The following PTPRZ1 variants were observed in gnomAD, a reference collection of about 807,000 sequenced individuals.
PTPRZ1 encodes receptor-type tyrosine-protein phosphatase zeta.
PTPRZ1 carries 82 observed loss-of-function variants against 214.1 expected under a neutral mutation model. That is an observed-to-expected ratio of 0.38 (90% CI 0.32 to 0.46). PTPRZ1 has a LOEUF of 0.46. Ranked by LOEUF, PTPRZ1 falls within the 20% of genes least tolerant of loss-of-function variation. The pLI, the probability that PTPRZ1 is intolerant of heterozygous loss-of-function variation, is 1.00. For synonymous variants in PTPRZ1, 945 were observed against 987.9 expected (o/e 0.96, Z 0.81); for missense variants, 2,603 against 2,748.7 (o/e 0.95, Z 1.19).
chr7:121,897,976 A>T (rs528879676), intron 1 of PTPRZ1, among the ~76,000 whole-genome samples: 1 of 152,330 alleles, frequency 6.6e-6, no homozygotes, highest in Non-Finnish European at 1.5e-5. Flanking sequence ...ATCTAGTTTA[A>T]ATTAAAAGAA....
chr7:121,927,631 C>T (rs1795802836), intron 1 of PTPRZ1, among the ~76,000 whole-genome samples: 1 of 152,214 alleles, frequency 6.6e-6, no homozygotes, highest in African/African-American at 2.4e-5. Context: ...TCCGAAACAA[C>T]ATATGAACAT....
rs1388381235 is a variant in PTPRZ1 at position 122,013,484 on chromosome 7, A to G, written c.4438A>G (p.Asn1480Asp). Residue 1480 changes from asparagine to aspartate, a missense_variant, in exon 12 of 30, where the codon AAT becomes GAT. By Grantham distance (23) the Asn-to-Asp change is conservative. Coordinates refer to ENST00000393386, the MANE Select transcript of PTPRZ1 (RefSeq NM_002851.3). ...NNPISYSLSE[N>D]SEEDNRVTSV... ...TCCAATCTCATACTCACTATCTGAG[A>G]ATTCTGAAGAAGATAATAGAGTCAC... The G allele has an allele frequency of 2.0e-5, 33 of 1,614,010 alleles. No individual in the cohort carries two copies. The highest frequency in any genetic ancestry group is 2.7e-5 in the Non-Finnish European group (32 of 1,180,020).
intron 13 of PTPRZ1, among the ~76,000 whole-genome samples, chr7:122,023,805 T>G (rs1260474588): frequency 1.5e-5 from 2 of 133,428 alleles, no homozygotes; most frequent in Non-Finnish European, 3.1e-5. Context: ...ATTTTATATA[T>G]AATTATATAT....
intron 8 of PTPRZ1, among the ~76,000 whole-genome samples, chr7:121,987,809 A>G (rs997826738): frequency 2.0e-5 from 3 of 152,236 alleles, no homozygotes; most frequent in East Asian, 1.9e-4. Flanking sequence ...AAAAAAATGT[A>G]GTACATATAC....
rs541809696 is a variant in PTPRZ1 at position 122,013,145 on chromosome 7, G to C, written c.4099G>C (p.Val1367Leu). Reference protein sequence around the residue: ...SDTFVSTDHSVPIGNGHVAIT... With the variant: ...SDTFVSTDHSLPIGNGHVAIT... ...TACATTTGTATCTACTGATCATTCT[G>C]TTCCTATAGGAAATGGGCATGTTGC... Residue 1367 changes from valine (V) to leucine (L), a missense_variant, in exon 12 of 30, where the codon GTT becomes CTT. Transcript: ENST00000393386. The C allele has an allele frequency of 6.2e-7, 1 of 1,613,896 alleles. No homozygotes were observed. Among genetic ancestry groups the C allele is most frequent in the Non-Finnish European group, 8.5e-7 (1 of 1,179,870 alleles).
At chr7:121,935,769 C>T (rs1796070276) in intron 2 of PTPRZ1, among the ~76,000 whole-genome samples, 1 of 151,986 alleles carries the variant, frequency 6.6e-6, no homozygotes, top group South Asian at 2.1e-4. Flanking sequence ...GGGGTTTCAC[C>T]GTGTTAGCCA....
rs958870788 is a variant in PTPRZ1, at chr7:121,945,562, C to T, written c.124+17341C>T. Reference sequence around the variant, plus strand: ...TTGGCTTAGGAGGATTCACAGTATACCTCCAGGTTACATGAGTAGCTCCAA... The same window carrying T: ...TTGGCTTAGGAGGATTCACAGTATATCTCCAGGTTACATGAGTAGCTCCAA... On this transcript the variant is annotated intron_variant, in intron 2 of 29. Coordinates refer to ENST00000393386, the MANE Select transcript of PTPRZ1 (RefSeq NM_002851.3). 8.5e-5 allele frequency among the ~76,000 whole-genome samples: 13 copies of T among 152,176 alleles called. No individual in the cohort carries two copies. In the East Asian group the frequency reaches 2.3e-3, roughly 27 times the overall value.
At position 122,034,096 on chromosome 7, in the gene PTPRZ1, C is replaced by T; in HGVS notation, c.5168C>T (p.Thr1723Ile). Residue 1723 changes from threonine (T) to isoleucine (I), a missense_variant and splice_region_variant, in exon 16 of 30, where the codon ACA (threonine) becomes ATA (isoleucine). By Grantham distance (89) the Thr-to-Ile change is moderately conservative (BLOSUM62 -1). Transcript: ENST00000393386. ...TTTTGGCATTCATTCCCTCATTAGA[C>T]ACTGAAAGAGTTTTACCAGGTAAGG... ...ASSGFTEEFE[T>I]LKEFYQEVQS... is the part of the protein sequence containing the mutation. 6.3e-7 allele frequency: 1 copy of T among 1,594,772 alleles called. No individual in the cohort carries two copies. Among genetic ancestry groups the T allele is most frequent in the Non-Finnish European group, 8.6e-7 (1 of 1,162,926 alleles).
chr7:121,924,383 T>C (rs1485117442), intron 1 of PTPRZ1, among the ~76,000 whole-genome samples: 1 of 152,128 alleles, frequency 6.6e-6, no homozygotes, highest in African/African-American at 2.4e-5. Context: ...CTATCAGACC[T>C]CTAAGTAGAA....
At chr7:121,990,487 T>A (rs1414983279) in intron 8 of PTPRZ1, among the ~76,000 whole-genome samples, 1 of 149,860 alleles carries the variant, frequency 6.7e-6, no homozygotes, top group East Asian at 2.0e-4. Context: ...AACCATCTGG[T>A]CCTGAAAGAG....
Position 122,012,876 on chromosome 7 carries a change from A to C in PTPRZ1, c.3830A>C (p.Glu1277Ala). 6.2e-7 allele frequency: 1 copy of C among 1,614,142 alleles called. No homozygotes were observed. Among genetic ancestry groups the C allele is most frequent in the Non-Finnish European group, 8.5e-7 (1 of 1,180,006 alleles). The stretch of plus-strand genomic sequence containing the variant: ...TATGAACCAGTTTTGTTAAAAAGTG[A>C]AAGTTCCCACCAAGTGGTACCTTCT... ...EKYEPVLLKS[E>A]SSHQVVPSLY... Residue 1277 changes from glutamate (E) to alanine (A), a missense_variant, in exon 12 of 30, where the codon GAA becomes GCA. Physicochemically the swap from Glu to Ala is moderately radical, Grantham distance 107. Coordinates refer to ENST00000393386, the MANE Select transcript of PTPRZ1 (RefSeq NM_002851.3).
chr7:121,992,523 A>G (rs1798000077), intron 8 of PTPRZ1, among the ~76,000 whole-genome samples: 1 of 152,234 alleles, frequency 6.6e-6, no homozygotes, highest in Non-Finnish European at 1.5e-5. Flanking sequence ...GTCAGCTAAA[A>G]GTTTAAGAAG....
intron 14 of PTPRZ1, among the ~76,000 whole-genome samples, chr7:122,030,795 A>C (rs544966801): frequency 6.6e-6 from 1 of 152,044 alleles, no homozygotes; most frequent in Non-Finnish European, 1.5e-5. Context: ...AAAGAAAAAA[A>C]AATCAGAACC....
chr7:121,911,772 C>T (rs1407015525), intron 1 of PTPRZ1, among the ~76,000 whole-genome samples: 2 of 151,470 alleles, frequency 1.3e-5, no homozygotes, highest in Non-Finnish European at 3.0e-5. Flanking sequence ...ATTTTGGAAA[C>T]TTTAATTTTA....
At chr7:121,999,192 A>G (rs532820409) in intron 10 of PTPRZ1, among the ~76,000 whole-genome samples, 1 of 152,334 alleles carries the variant, frequency 6.6e-6, no homozygotes, top group South Asian at 2.1e-4. Context: ...TGATGGCAAT[A>G]TCATTATTTA....
intron 23 of PTPRZ1, among the ~76,000 whole-genome samples, chr7:122,051,040 A>G (rs1410977048): frequency 6.6e-6 from 1 of 152,200 alleles, no homozygotes; most frequent in Non-Finnish European, 1.5e-5. Flanking sequence ...TAACAGAAGG[A>G]ATAAATAAAA....
At position 122,013,738 on chromosome 7, in the gene PTPRZ1, T is replaced by C. The variant is rs751769187; in HGVS notation, c.4692T>C (p.Thr1564=). The change falls in exon 12 of 30, where the codon ACT becomes ACC. Residue 1564 remains threonine, a synonymous_variant. Coordinates refer to ENST00000393386, the MANE Select transcript of PTPRZ1 (RefSeq NM_002851.3). ...CAGATAGCCTTAATGAGAATGAGAC[T>C]TCCACAGATTTCAGTTTTGCAGACA... The part of the protein sequence containing the change: ...GTSDSLNENE[T]STDFSFADTN... 3.0e-5 allele frequency: 48 copies of C among 1,614,032 alleles called. No homozygotes were observed. The highest frequency in any genetic ancestry group is 4.0e-5 in the Non-Finnish European group (47 of 1,180,022).
chr7:122,003,104 A>G (rs1404690420), intron 10 of PTPRZ1, among the ~76,000 whole-genome samples: 1 of 152,190 alleles, frequency 6.6e-6, no homozygotes, highest in African/African-American at 2.4e-5. Flanking sequence ...AGTGTTTGAG[A>G]TGATTGAAAT....
At position 122,013,059 on chromosome 7, in the gene PTPRZ1, C is replaced by A; in HGVS notation, c.4013C>A (p.Thr1338Asn). The change falls in exon 12 of 30, where the codon ACC becomes AAC. Residue 1338 changes from threonine to asparagine, a missense_variant. Coordinates refer to ENST00000393386, the MANE Select transcript of PTPRZ1 (RefSeq NM_002851.3). ...NKLIHSDEILTSTKSSVTGKV... is the reference protein window; with the variant it reads ...NKLIHSDEILNSTKSSVTGKV... ...CTTATACATTCCGATGAAATTTTAA[C>A]CTCCACCAAAAGTTCTGTTACTGGT... 1 of 1,613,580 alleles carries A rather than the reference C, an allele frequency of 6.2e-7. No individual in the cohort carries two copies. The highest frequency in any genetic ancestry group is 8.5e-7 in the Non-Finnish European group (1 of 1,179,474).
Sources: gnomAD v4.1 joint callset for allele counts (sites outside exome capture counted in the v4.1 genomes callset) on GRCh38, gnomAD v4.1.1 for gene constraint, MANE v1.5 for transcripts, NCBI Gene and HGNC (gene_info 2026-07-23, HGNC 2026-07-21) for gene names.